CADPS2: variants seen among roughly 807,000 people sequenced by gnomAD.
The protein encoded by CADPS2 is calcium-dependent secretion activator 2.
Under a neutral mutation model 172.5 loss-of-function variants are expected in CADPS2, and 93 were observed. The observed-to-expected ratio is 0.54, with a 90% CI of 0.46 to 0.64. The LOEUF (loss-of-function observed/expected upper bound fraction) is 0.64. Ranked by LOEUF, CADPS2 falls within the 30% of genes least tolerant of loss-of-function variation. The pLI is 0.00. For synonymous variants in CADPS2, 546 were observed against 555.2 expected (o/e 0.98, Z 0.23); for missense variants, 1,420 against 1,565.9 (o/e 0.91, Z 1.57).
chr7:122,684,168 G>T (rs936684652), intron 2 of CADPS2, among the ~76,000 whole-genome samples: 2 of 152,130 alleles, frequency 1.3e-5, no homozygotes, highest in African/African-American at 4.8e-5. Flanking sequence ...GAAATAGGCT[G>T]TAGGAACTTG....
intron 2 of CADPS2, among the ~76,000 whole-genome samples, chr7:122,722,277 G>T (rs2090511780): frequency 6.6e-6 from 1 of 152,010 alleles, no homozygotes; most frequent in Non-Finnish European, 1.5e-5. Context: ...TGACATGATT[G>T]TATATCTAGA....
chr7:122,530,824 C>T (rs2061691355), intron 8 of CADPS2, among the ~76,000 whole-genome samples: 1 of 152,122 alleles, frequency 6.6e-6, no homozygotes, highest in Non-Finnish European at 1.5e-5. Context: ...AAGCTTTTTA[C>T]CTCTTTTATA....
At chr7:122,709,229 A>G (rs1438849899) in intron 2 of CADPS2, among the ~76,000 whole-genome samples, 1 of 152,134 alleles carries the variant, frequency 6.6e-6, no homozygotes, top group African/African-American at 2.4e-5. Flanking sequence ...CAGACTCTAA[A>G]TCTTCCTAAG....
At chr7:122,542,038 A>G (rs1277951761) in intron 8 of CADPS2, among the ~76,000 whole-genome samples, 1 of 151,884 alleles carries the variant, frequency 6.6e-6, no homozygotes, top group South Asian at 2.1e-4. Context: ...TTGTGTAATG[A>G]TAACAGCTAA....
intron 6 of CADPS2, among the ~76,000 whole-genome samples, chr7:122,597,198 A>G (rs866311695): frequency 6.6e-6 from 1 of 152,028 alleles, no homozygotes; most frequent in Non-Finnish European, 1.5e-5. Flanking sequence ...AAATATCCAA[A>G]CTATCATCAT....
chr7:122,488,272 G>T (rs1229063432), intron 11 of CADPS2, among the ~76,000 whole-genome samples: 3 of 152,188 alleles, frequency 2.0e-5, no homozygotes, highest in African/African-American at 7.2e-5. Context: ...GTTCTACCCG[G>T]GGTTGAGGGA....
intron 2 of CADPS2, among the ~76,000 whole-genome samples, chr7:122,725,679 A>G (rs1013395368): frequency 6.6e-6 from 1 of 151,776 alleles, no homozygotes; most frequent in Non-Finnish European, 1.5e-5. Flanking sequence ...CTATAATCCC[A>G]GCACTTTGGG....
At chr7:122,500,838 A>G (rs890864616) in intron 9 of CADPS2, among the ~76,000 whole-genome samples, 2 of 152,196 alleles carry the variant, frequency 1.3e-5, no homozygotes, top group African/African-American at 4.8e-5. Flanking sequence ...TTTATATTTT[A>G]TATATTAGTA....
rs141948626 is a variant in CADPS2 at position 122,338,175 on chromosome 7, T to C, written c.3612+7399A>G. Among the ~76,000 whole-genome samples the C allele has an allele frequency of 1.8e-3, 269 of 152,276 alleles. 6 individuals are homozygous for C. In the East Asian group the frequency reaches 0.045, roughly 25 times the overall value. On this transcript the variant is annotated intron_variant, in intron 28 of 29. Coordinates refer to ENST00000449022, the MANE Select transcript of CADPS2 (RefSeq NM_017954.11). ...ATTTTGAGAGGCTGAAGTGGGCAGA[T>C]TGCCCGAGCTCAGGAGCTCGAGACC...
At chr7:122,421,095 T>C (rs2151808364) in intron 17 of CADPS2, 1 of 152,354 alleles carries the variant, frequency 6.6e-6, no homozygotes, top group South Asian at 2.1e-4. Flanking sequence ...TGGTGAAGCT[T>C]ATACCAGGAT....
At chr7:122,336,621 T>C (rs68122497) in intron 28 of CADPS2, among the ~76,000 whole-genome samples, 2 of 152,212 alleles carry the variant, frequency 1.3e-5, no homozygotes, top group East Asian at 3.9e-4. Context: ...CAGTCTCTTA[T>C]AAAATTGGTA....
chr7:122,391,011 C>T (rs998397921), intron 22 of CADPS2, among the ~76,000 whole-genome samples: 1 of 151,926 alleles, frequency 6.6e-6, no homozygotes, highest in African/African-American at 2.4e-5. Context: ...CATTGGTAGG[C>T]AGGGATGTAT....
At chr7:122,435,886 A>C (rs1276806988) in intron 17 of CADPS2, among the ~76,000 whole-genome samples, 1 of 152,152 alleles carries the variant, frequency 6.6e-6, no homozygotes, top group Non-Finnish European at 1.5e-5. Context: ...ATAATAACAC[A>C]TGATACCACT....
chr7:122,416,934 C>T (rs892792194), intron 17 of CADPS2, among the ~76,000 whole-genome samples: 6 of 152,150 alleles, frequency 3.9e-5, no homozygotes, highest in Non-Finnish European at 8.8e-5. Context: ...GAAACTGTTT[C>T]AAAACAATGT....
At chr7:122,806,985 C>G (rs560164219) in intron 1 of CADPS2, among the ~76,000 whole-genome samples, 1 of 152,328 alleles carries the variant, frequency 6.6e-6, no homozygotes, top group African/African-American at 2.4e-5. Context: ...TAGAAGTAAG[C>G]ATTCCTCCTT....
chr7:122,706,120 AAT>A (rs752210026), intron 2 of CADPS2, among the ~76,000 whole-genome samples: 4,576 of 9,944 alleles, frequency 0.46, 771 homozygotes, highest in South Asian at 0.54. Context: ...ATATTCAAGG[AAT>A]ATATATATAT....
At chr7:122,758,289 A>G (rs2093247030) in intron 1 of CADPS2, among the ~76,000 whole-genome samples, 1 of 152,210 alleles carries the variant, frequency 6.6e-6, no homozygotes, top group Non-Finnish European at 1.5e-5. Context: ...TTATGTATCC[A>G]TCTCAGCAGA....
intron 3 of CADPS2, among the ~76,000 whole-genome samples, chr7:122,649,516 T>C (rs747963511): frequency 1.3e-5 from 2 of 152,158 alleles, no homozygotes; most frequent in Admixed American, 1.3e-4. Context: ...AAAAGAGGCA[T>C]TGGGCCTGAC....
intron 1 of CADPS2, among the ~76,000 whole-genome samples, chr7:122,836,353 G>A (rs898408484): frequency 2.6e-5 from 4 of 151,982 alleles, no homozygotes; most frequent in Non-Finnish European, 2.9e-5. Flanking sequence ...CACCGAGGCT[G>A]GGAAGAAACT....
Sources: gnomAD v4.1 joint callset for allele counts (sites outside exome capture counted in the v4.1 genomes callset) on GRCh38, gnomAD v4.1.1 for gene constraint, MANE v1.5 for transcripts, NCBI Gene and HGNC (gene_info 2026-07-23, HGNC 2026-07-21) for gene names.